The following KLHL14 variants were observed in gnomAD, a reference collection of about 807,000 sequenced individuals.
KLHL14 encodes the protein kelch-like protein 14.
Under a neutral mutation model 64.3 loss-of-function variants are expected in KLHL14, and 22 were observed. The observed-to-expected ratio is 0.34, with a 90% confidence interval of 0.24 to 0.49. KLHL14 has a LOEUF of 0.49. Ranked by LOEUF, KLHL14 falls within the 20% of genes least tolerant of loss-of-function variation. The pLI is 0.99. For synonymous variants in KLHL14, 322 were observed against 333.4 expected (o/e 0.97, Z 0.37); for missense variants, 661 against 789.0 (o/e 0.84, Z 1.94).
intron 3 of KLHL14, among the ~76,000 whole-genome samples, chr18:32,717,131 T>C (rs532977625): frequency 2.9e-4 from 44 of 152,376 alleles, no homozygotes; most frequent in Non-Finnish European, 4.7e-4. Context: ...TGAATATTTT[T>C]ATTCTATTTG....
At chr18:32,734,359 C>A in intron 3 of KLHL14, 1 of 654,896 alleles carries the variant, frequency 1.5e-6, no homozygotes, top group Non-Finnish European at 2.8e-6. Flanking sequence ...CCCCCACATG[C>A]CTGGATCCCT....
chr18:32,735,371 A>G (rs765106913), intron 3 of KLHL14, among the ~76,000 whole-genome samples: 36 of 152,096 alleles, frequency 2.4e-4, no homozygotes, highest in Non-Finnish European at 4.4e-4. Context: ...GCATAACTTA[A>G]AGTAAAAGCC....
intron 3 of KLHL14, among the ~76,000 whole-genome samples, chr18:32,703,702 C>T (rs1323582485): frequency 1.3e-5 from 2 of 152,148 alleles, no homozygotes; most frequent in Admixed American, 6.5e-5. Context: ...CAAAACTGAC[C>T]TTCAAAGTCT....
intron 3 of KLHL14, among the ~76,000 whole-genome samples, chr18:32,735,212 C>T (rs1415314027): frequency 6.6e-6 from 1 of 152,084 alleles, no homozygotes; most frequent in Non-Finnish European, 1.5e-5. Flanking sequence ...TCTGCTTGGA[C>T]TTTTTGACTA....
intron 2 of KLHL14, among the ~76,000 whole-genome samples, chr18:32,747,069 G>A (rs900732590): frequency 6.6e-6 from 1 of 152,086 alleles, no homozygotes; most frequent in African/African-American, 2.4e-5. Flanking sequence ...TATCTATTTG[G>A]AAATTTGAAA....
chr18:32,711,055 C>G lies in KLHL14; in HGVS notation c.1070-15503G>C, dbSNP rs375121888. On this transcript the variant is annotated intron_variant, in intron 3 of 8. Transcript: ENST00000359358. ...GTGTGAACAGCAAATAGGGCCCCTCCTTAGATCTTGGTAACATTTATCACC... is the reference window on the plus strand; with the variant it reads ...GTGTGAACAGCAAATAGGGCCCCTCGTTAGATCTTGGTAACATTTATCACC... Among the ~76,000 whole-genome samples the G allele has an allele frequency of 7.8e-4, 119 of 152,208 alleles. 1 individual carries two copies. The South Asian group carries it at 0.014, about 18-fold the overall frequency.
intron 2 of KLHL14, among the ~76,000 whole-genome samples, chr18:32,759,301 CATT>C (rs1377552387): frequency 1.3e-5 from 2 of 152,130 alleles, no homozygotes; most frequent in Admixed American, 6.5e-5. Context: ...GAAGCATAAT[CATT>C]ATCAGAATAG....
chr18:32,685,061 A>C lies in KLHL14; in HGVS notation c.1238+2094T>G, dbSNP rs1290190952. 2.0e-5 allele frequency among the ~76,000 whole-genome samples: 3 copies of C among 152,148 alleles called. No individual in the cohort carries two copies. The East Asian group carries it at 5.8e-4, about 29-fold the overall frequency. On this transcript the variant is annotated intron_variant, in intron 5 of 8. Transcript: ENST00000359358. ...TAAATCTAAAAAAAAAACTTCTTTT[A>C]CCAGGGACCTGACATGATATACCAT...
chr18:32,695,484 C>T lies in KLHL14; in HGVS notation c.1138G>A (p.Glu380Lys). The T allele has an allele frequency of 6.2e-7, 1 of 1,612,232 alleles. No homozygotes were observed. Among genetic ancestry groups the T allele is most frequent in the Non-Finnish European group, 8.5e-7 (1 of 1,178,456 alleles). The stretch of plus-strand genomic sequence containing the variant: ...TTACCATTCGGATTCCACTGGTCCT[C>T]TCCACCCAACACGAACAAGAAGTTT... ...VENFLFVLGG[E>K]DQWNPNGKHS... The change falls in exon 4 of 9, where the codon GAG (glutamate) becomes AAG (lysine). Residue 380 changes from glutamate (E) to lysine (K), a missense_variant. Coordinates refer to ENST00000359358, the MANE Select transcript of KLHL14 (RefSeq NM_020805.3).
chr18:32,759,358 A>G (rs914759352), intron 2 of KLHL14, among the ~76,000 whole-genome samples: 9 of 152,210 alleles, frequency 5.9e-5, no homozygotes, highest in African/African-American at 2.4e-5. Context: ...AACATTTTGT[A>G]TGGAAGTGGA....
chr18:32,685,215 G>T (rs4486983), intron 5 of KLHL14, among the ~76,000 whole-genome samples: 35,408 of 151,962 alleles, frequency 0.23, 4,888 homozygotes, highest in African/African-American at 0.38. Context: ...ACCCTGCCAT[G>T]ATAGGCCATA....
At chr18:32,713,978 A>G (rs1240464976) in intron 3 of KLHL14, among the ~76,000 whole-genome samples, 1 of 152,200 alleles carries the variant, frequency 6.6e-6, no homozygotes, top group Non-Finnish European at 1.5e-5. Flanking sequence ...GATAAAATTT[A>G]CATATAAATA....
intron 2 of KLHL14, chr18:32,743,582 T>G (rs1020052450): frequency 6.6e-6 from 1 of 152,258 alleles, no homozygotes; most frequent in Non-Finnish European, 1.5e-5. Context: ...AGTGTTAATT[T>G]TGCCACTCTG....
intron 3 of KLHL14, among the ~76,000 whole-genome samples, chr18:32,711,305 G>A (rs2050017961): frequency 6.6e-6 from 1 of 152,000 alleles, no homozygotes; most frequent in Non-Finnish European, 1.5e-5. Context: ...TGTAGCATTT[G>A]GGGAGAAGGA....
Position 32,695,563 on chromosome 18 carries a change from G to GAAA in KLHL14, c.1070-14_1070-12dup. 15 of 1,210,128 alleles carry GAAA rather than the reference G, an allele frequency of 1.2e-5. No homozygotes were observed. Among genetic ancestry groups the GAAA allele is most frequent in the Admixed American group, 4.9e-5 (2 of 41,074 alleles). The allele number at this position is 1,210,128 out of a possible 1,614,324, so 75.0% of individuals were successfully genotyped here. A position where few individuals can be genotyped will look rare whatever the true frequency, so the allele number is the denominator to read the frequency against. ...TGTTGTATGGCATAACTGAAATTAA[G>GAAA]AAAAAAAAAAAAGACATATGAAATT... is the stretch of plus-strand genomic sequence containing the variant. On this transcript the variant is annotated splice_polypyrimidine_tract_variant and intron_variant, in intron 3 of 8. Transcript: ENST00000359358.
At chr18:32,684,317 A>C (rs912386935) in intron 5 of KLHL14, among the ~76,000 whole-genome samples, 58 of 152,214 alleles carry the variant, frequency 3.8e-4, no homozygotes, top group African/African-American at 1.4e-3. Context: ...TCTGAAGGCC[A>C]TGTGCCCATT....
At chr18:32,693,013 G>T (rs148309943) in intron 4 of KLHL14, among the ~76,000 whole-genome samples, 270 of 152,264 alleles carry the variant, frequency 1.8e-3, no homozygotes, top group Non-Finnish European at 3.4e-3. Context: ...CCATTCACGG[G>T]ATTGTGGTGG....
intron 2 of KLHL14, among the ~76,000 whole-genome samples, chr18:32,768,865 G>C (rs1175847284): frequency 2.0e-5 from 3 of 152,154 alleles, no homozygotes; most frequent in Non-Finnish European, 4.4e-5. Context: ...CAGGCACACA[G>C]ACCAACTGGA....
At chr18:32,735,918 A>G (rs1908683283) in intron 3 of KLHL14, among the ~76,000 whole-genome samples, 1 of 152,150 alleles carries the variant, frequency 6.6e-6, no homozygotes, top group South Asian at 2.1e-4. Context: ...GAGATCATTT[A>G]TTCTTTCAGT....
Sources: gnomAD v4.1 joint callset for allele counts (sites outside exome capture counted in the v4.1 genomes callset) on GRCh38, gnomAD v4.1.1 for gene constraint, MANE v1.5 for transcripts, NCBI Gene and HGNC (gene_info 2026-07-23, HGNC 2026-07-21) for gene names.